KMT2E: variants seen among roughly 807,000 people sequenced by gnomAD.
KMT2E encodes the protein histone reader KMT2E.
KMT2E carries 30 observed loss-of-function variants against 184.6 expected under a neutral mutation model. That is an observed-to-expected ratio of 0.16 (90% CI 0.12 to 0.22). KMT2E has a LOEUF of 0.22. Among genes scored for constraint, KMT2E ranks in the 10% least tolerant of loss-of-function variants. The pLI is 1.00. For missense variants in KMT2E, 2,023 were observed against 2,237.4 expected (o/e 0.90, Z 1.93); for synonymous variants, 815 against 776.5 (o/e 1.05, Z -0.82).
At chr7:105,079,228 G>A (rs376911886) in intron 12 of KMT2E, among the ~76,000 whole-genome samples, 92 of 150,024 alleles carry the variant, frequency 6.1e-4, no homozygotes, top group Middle Eastern at 7.0e-3. Flanking sequence ...TCCGTCTTCC[G>A]GGCTCAAGTG....
At chr7:105,097,873 C>T (rs920718676) in intron 15 of KMT2E, among the ~76,000 whole-genome samples, 1 of 152,144 alleles carries the variant, frequency 6.6e-6, no homozygotes, top group Non-Finnish European at 1.5e-5. Flanking sequence ...AATGTGAGTG[C>T]TTGCCATTTG....
Position 105,113,710 on chromosome 7 carries a change from T to TGTCA in KMT2E, c.*379_*382dup, listed in dbSNP as rs1340882045. ...CTATGAGGATTTTTTTTTTCTTTCC[T>TGTCA]GTCAGCAGCAGTTCTGTGAATGCAT... is the stretch of plus-strand genomic sequence containing the variant. On this transcript the variant is annotated 3_prime_UTR_variant, in exon 27 of 27. Coordinates refer to ENST00000311117, the MANE Select transcript of KMT2E (RefSeq NM_182931.3). 2.4e-5 allele frequency: 4 copies of TGTCA among 169,996 alleles called. No homozygotes were observed. The Admixed American group carries it at 2.5e-4, about 11-fold the overall frequency. 10.5% of individuals were successfully genotyped at this position (169,996 alleles called of 1,614,324 possible).
At chr7:105,072,673 T>C (rs962523639) in intron 6 of KMT2E, among the ~76,000 whole-genome samples, 1 of 152,148 alleles carries the variant, frequency 6.6e-6, no homozygotes, top group African/African-American at 2.4e-5. Context: ...CCCAGCACTT[T>C]GGGAGGCCGA....
intron 6 of KMT2E, among the ~76,000 whole-genome samples, chr7:105,067,827 C>T (rs1027302241): frequency 1.3e-5 from 2 of 151,946 alleles, no homozygotes; most frequent in Admixed American, 6.6e-5. Context: ...AGAAGATGAG[C>T]CAGGCGTGGT....
chr7:105,099,761 C>T (rs1798577863), intron 15 of KMT2E, among the ~76,000 whole-genome samples: 1 of 151,998 alleles, frequency 6.6e-6, no homozygotes, highest in Non-Finnish European at 1.5e-5. Flanking sequence ...ATGTACTTTC[C>T]CCAAATTTTT....
At chr7:105,105,838 C>G in intron 18 of KMT2E, 21 bp from the exon 19 acceptor site, 2 of 1,602,364 alleles carry the variant, frequency 1.2e-6, no homozygotes, top group Non-Finnish European at 1.7e-6. Flanking sequence ...CCTGTTCATT[C>G]ATGTATTCTG....
At chr7:105,064,691 A>T (rs1796961010) in intron 5 of KMT2E, among the ~76,000 whole-genome samples, 2 of 152,134 alleles carry the variant, frequency 1.3e-5, no homozygotes, top group Non-Finnish European at 2.9e-5. Flanking sequence ...TCCAAATGTA[A>T]AAATAAACTT....
intron 19 of KMT2E, among the ~76,000 whole-genome samples, 186 bp from the exon 20 acceptor site, chr7:105,106,336 T>C (rs544224556): frequency 4.6e-5 from 7 of 152,274 alleles, no homozygotes; most frequent in African/African-American, 1.7e-4. Flanking sequence ...TAATGCTTGC[T>C]AATTGGGGAG....
chr7:105,055,406 G>A (rs1424497294), intron 3 of KMT2E, among the ~76,000 whole-genome samples: 3 of 151,964 alleles, frequency 2.0e-5, no homozygotes, highest in African/African-American at 4.8e-5. Flanking sequence ...AGCTGGATAC[G>A]CAGGGTTCTT....
rs368097946 is a variant in KMT2E, at chr7:105,112,541, C to T, written c.4785C>T (p.Ser1595=). 4.6e-5 allele frequency: 75 copies of T among 1,613,940 alleles called. No individual in the cohort carries two copies. Among genetic ancestry groups the T allele is most frequent in the Non-Finnish European group, 5.9e-5 (70 of 1,180,012 alleles). Residue 1595 remains serine, a synonymous_variant, in exon 27 of 27, where the codon AGC becomes AGT. Transcript: ENST00000311117. ...ATCAAGCACTTCCTGGCACCACAAG[C>T]CAGCAAACAGTTCCAGGACACCACG... The part of the protein sequence containing the change: ...GPNQALPGTT[S]QQTVPGHHVT...
intron 12 of KMT2E, among the ~76,000 whole-genome samples, chr7:105,081,209 G>A (rs1341977867): frequency 6.6e-5 from 10 of 151,802 alleles, no homozygotes; most frequent in East Asian, 3.9e-4. Context: ...GTGAAAACTC[G>A]TCTCTACTAA....
chr7:105,106,709 A>G lies in KMT2E; in HGVS notation c.2784A>G (p.Lys928=). The G allele has an allele frequency of 1.9e-6, 3 of 1,613,730 alleles. No homozygotes were observed. Among genetic ancestry groups the G allele is most frequent in the Non-Finnish European group, 2.5e-6 (3 of 1,179,712 alleles). Residue 928 remains lysine (K), a synonymous_variant, in exon 20 of 27, where the codon AAA becomes AAG. Coordinates refer to ENST00000311117, the MANE Select transcript of KMT2E (RefSeq NM_182931.3). ...SDDETCRNGY[K]PIYSPVTPVT... is the part of the protein sequence containing the mutation. ...ATGAAACTTGTAGAAATGGTTATAA[A>G]CCCATATATTCACCAGTTACCCCAG...
At chr7:105,074,893 T>A (rs1584762750) in intron 8 of KMT2E, 78 bp downstream of exon 8, 2 of 1,058,874 alleles carry the variant, frequency 1.9e-6, no homozygotes, top group East Asian at 2.8e-5. Context: ...GGCAGGAGAG[T>A]GAGAATAATC....
intron 15 of KMT2E, among the ~76,000 whole-genome samples, chr7:105,093,016 G>A (rs977788146): frequency 6.6e-6 from 1 of 151,964 alleles, no homozygotes; most frequent in African/African-American, 2.4e-5. Flanking sequence ...GCAATATAGC[G>A]AGACCTCATC....
In KMT2E at chr7:105,063,530, A is replaced by T; in HGVS notation, c.366A>T (p.Ile122=). ...GSYGTDVTRC[I]CGFTHDDGYM... ...ATGGTACTGATGTAACCAGGTGCATATGTGGTTTTACACATGATGATGGAT... is the reference window on the plus strand; with the variant it reads ...ATGGTACTGATGTAACCAGGTGCATTTGTGGTTTTACACATGATGATGGAT... The change falls in exon 5 of 27, where the codon ATA becomes ATT. Residue 122 remains isoleucine (I), a synonymous_variant. Transcript: ENST00000311117. 6.2e-7 allele frequency: 1 copy of T among 1,612,952 alleles called. No individual in the cohort carries two copies. Among genetic ancestry groups the T allele is most frequent in the Non-Finnish European group, 8.5e-7 (1 of 1,179,458 alleles).
chr7:105,063,706 T>A, intron 5 of KMT2E, 126 bp downstream of exon 5: 1 of 643,698 alleles, frequency 1.6e-6, no homozygotes, highest in Non-Finnish European at 2.6e-6. Context: ...GGACTTCTAC[T>A]ATTGATGCAG....
Position 105,076,948 on chromosome 7 carries a change from A to T in KMT2E, c.769-15A>T. ...TCCGTAAGTCCAGATACTAAAGCTC[A>T]GTTTATGATTTTAGGGTTCAGCTCC... On this transcript the variant is annotated splice_polypyrimidine_tract_variant and intron_variant, in intron 9 of 26. Coordinates refer to ENST00000311117, the MANE Select transcript of KMT2E (RefSeq NM_182931.3). 1.3e-6 allele frequency: 2 copies of T among 1,559,502 alleles called. No homozygotes were observed.
chr7:105,080,776 CAAA>C lies in KMT2E; in HGVS notation c.1249-911_1249-909del, dbSNP rs1361518313. ...CTGTAATCCCAGCACTTTGGGAGGCCAAAGTGGGTGGATCACCTGAGGTCAGGA... is the reference window on the plus strand; with the variant it reads ...CTGTAATCCCAGCACTTTGGGAGGCCGTGGGTGGATCACCTGAGGTCAGGA... On this transcript the variant is annotated intron_variant, in intron 12 of 26. Coordinates refer to ENST00000311117, the MANE Select transcript of KMT2E (RefSeq NM_182931.3). Among the ~76,000 whole-genome samples, 59 of 152,124 alleles carry C rather than the reference CAAA, an allele frequency of 3.9e-4. 1 individual carries two copies. Among genetic ancestry groups the C allele is most frequent in the Admixed American group, 3.7e-3 (56 of 15,258 alleles).
chr7:105,107,383 A>G lies in KMT2E; in HGVS notation c.2926A>G (p.Met976Val), dbSNP rs200690461. The G allele has an allele frequency of 5.6e-6, 9 of 1,594,646 alleles. No homozygotes were observed. Among genetic ancestry groups the G allele is most frequent in the Non-Finnish European group, 1.7e-6 (2 of 1,172,296 alleles). ...SQEGYDRSSTMLTLGPFRNSN... is the reference protein window; with the variant it reads ...SQEGYDRSSTVLTLGPFRNSN... ...ACAGGGATATGACAGATCTTCAACCATGTTAACATTGGGGCCTTTTAGAAA... is the reference window on the plus strand; with the variant it reads ...ACAGGGATATGACAGATCTTCAACCGTGTTAACATTGGGGCCTTTTAGAAA... The change falls in exon 22 of 27, where the codon ATG (methionine) becomes GTG (valine). Residue 976 changes from methionine (M) to valine (V), a missense_variant. Around this residue, in one of 8 missense-constraint regions of KMT2E, gnomAD observed 514 missense variants for 621.8 expected, o/e 0.83. Transcript: ENST00000311117.
Sources: allele counts gnomAD v4.1 joint callset (sites outside exome capture counted in the v4.1 genomes callset), GRCh38; gene constraint gnomAD v4.1.1; regional missense constraint gnomAD v4.1.1; transcripts MANE v1.5; gene names NCBI Gene and HGNC (gene_info 2026-07-23, HGNC 2026-07-21).